The following RAC2 variants were observed in gnomAD, a reference collection of about 807,000 sequenced individuals.
The protein encoded by RAC2 is Rac family small GTPase 2.
Under a neutral mutation model 24.0 loss-of-function variants are expected in RAC2, and 1 was observed. The observed-to-expected ratio is 0.04, with a 90% CI of 0.01 to 0.20. The LOEUF is 0.20. Among genes scored for constraint, RAC2 ranks in the 10% least tolerant of loss-of-function variants. RAC2 has a pLI of 1.00. For missense variants in RAC2, 130 were observed against 259.1 expected (o/e 0.50, Z 3.42); for synonymous variants, 114 against 106.8 (o/e 1.07, Z -0.41).
In RAC2 at chr22:37,231,162, A is replaced by G; in HGVS notation, c.448+69T>C. The G allele has an allele frequency of 6.3e-7, 1 of 1,581,238 alleles. No homozygotes were observed. The highest frequency in any genetic ancestry group is 8.7e-7 in the Non-Finnish European group (1 of 1,153,016). On this transcript the variant is annotated intron_variant, in intron 5 of 6. Transcript: ENST00000249071. The surrounding 1 kb of genome is among the most constrained non-coding windows in gnomAD (Gnocchi z 5.5). ...CCTGGCCCTGCAGCCCGTGTTTACAATCACACCACGAGGCCAAGTCAGGGC... is the reference window on the plus strand; with the variant it reads ...CCTGGCCCTGCAGCCCGTGTTTACAGTCACACCACGAGGCCAAGTCAGGGC...
chr22:37,225,278 A>G lies in RAC2; in HGVS notation c.*764T>C, dbSNP rs1479481491. On this transcript the variant is annotated 3_prime_UTR_variant, in exon 7 of 7. Coordinates refer to ENST00000249071, the MANE Select transcript of RAC2 (RefSeq NM_002872.5). ...TCACGATATCTCCAAACTTGAATCA[A>G]TAAATTTATTTTCTGCTTAAGCAGG... 6.6e-6 allele frequency: 1 copy of G among 152,240 alleles called. No individual in the cohort carries two copies. The highest frequency in any genetic ancestry group is 1.5e-5 in the Non-Finnish European group (1 of 68,048). The allele number at this position is 152,240 out of a possible 1,614,324, so 9.4% of individuals were successfully genotyped here.
intron 5 of RAC2, among the ~76,000 whole-genome samples, chr22:37,229,528 TATCAGC>T (rs1451344015): frequency 1.3e-5 from 2 of 152,276 alleles, no homozygotes; most frequent in East Asian, 3.9e-4. Flanking sequence ...CAGCTGTGAT[TATCAGC>T]TGGGCTCAGG....
At position 37,231,885 on chromosome 22, in the gene RAC2, A is replaced by C. The variant is rs1313344399; in HGVS notation, c.288+47T>G. 1 of 1,541,702 alleles carries C rather than the reference A, an allele frequency of 6.5e-7. No individual in the cohort carries two copies. The highest frequency in any genetic ancestry group is 8.8e-7 in the Non-Finnish European group (1 of 1,138,592). On this transcript the variant is annotated intron_variant, in intron 4 of 6. Coordinates refer to ENST00000249071, the MANE Select transcript of RAC2 (RefSeq NM_002872.5). The surrounding 1 kb of genome is among the most constrained non-coding windows in gnomAD (Gnocchi z 5.5). Reference sequence around the variant, plus strand: ...TCACCAGTTCCTCCCTCTGTCCCTCAGGGTTACCTGCCCCAGAGCCCCCAA... The same window carrying C: ...TCACCAGTTCCTCCCTCTGTCCCTCCGGGTTACCTGCCCCAGAGCCCCCAA...
At position 37,231,458 on chromosome 22, in the gene RAC2, C is replaced by T; in HGVS notation, c.289-68G>A. 1.3e-6 allele frequency: 2 copies of T among 1,491,066 alleles called. No homozygotes were observed. Among genetic ancestry groups the T allele is most frequent in the South Asian group, 2.3e-5 (2 of 88,498 alleles). 92.4% of individuals were successfully genotyped at this position (1,491,066 alleles called of 1,614,324 possible). A position where few individuals can be genotyped will look rare whatever the true frequency, so the allele number is the denominator to read the frequency against. On this transcript the variant is annotated intron_variant, in intron 4 of 6. Transcript: ENST00000249071. This position sits in a 1 kb window ranked among gnomAD's most constrained non-coding sequence, Gnocchi z 5.5. ...AGGGGGCGCGAGGCTGTGCGGGGAT[C>T]AGAGGGAGTGTGAGGGTGTAGGGAG...
Position 37,244,095 on chromosome 22 carries a change from A to G in RAC2, c.35+19T>C, listed in dbSNP as rs1485254737. 1 of 1,613,950 alleles carries G rather than the reference A, an allele frequency of 6.2e-7. No homozygotes were observed. The highest frequency in any genetic ancestry group is 1.3e-5 in the African/African-American group (1 of 74,936). ...GCATCCCAGTTGGGGGCTGTGAGGA[A>G]GTCCAGCCAGGTACCTACCCATCTC... On this transcript the variant is annotated intron_variant, in intron 1 of 6. Transcript: ENST00000249071.
chr22:37,226,560 C>G (rs1279260941), intron 6 of RAC2, 111 bp downstream of exon 6: 5 of 1,423,290 alleles, frequency 3.5e-6, no homozygotes, highest in East Asian at 2.5e-5. Flanking sequence ...AACCTCCATA[C>G]CCACCTTCTT....
chr22:37,231,405 G>C lies in RAC2; in HGVS notation c.289-15C>G. 6.2e-7 allele frequency: 1 copy of C among 1,613,596 alleles called. No homozygotes were observed. The highest frequency in any genetic ancestry group is 1.3e-5 in the African/African-American group (1 of 75,008). On this transcript the variant is annotated splice_polypyrimidine_tract_variant and intron_variant, in intron 4 of 6. Coordinates refer to ENST00000249071, the MANE Select transcript of RAC2 (RefSeq NM_002872.5). The surrounding 1 kb of genome is among the most constrained non-coding windows in gnomAD (Gnocchi z 5.5). ...TCTGGGAACCACTGGGCAGGTGGGT[G>C]GGGGGACACAAGGTTGTATGGGTCA...
chr22:37,232,592 A>G, intron 3 of RAC2: 1 of 597,014 alleles, frequency 1.7e-6, no homozygotes, highest in South Asian at 1.9e-5. Flanking sequence ...GAAGATGGGC[A>G]CATTGAGGAC....
Position 37,231,092 on chromosome 22 carries a change from G to C in RAC2, c.448+139C>G. 9.6e-7 allele frequency: 1 copy of C among 1,047,084 alleles called. No homozygotes were observed. Among genetic ancestry groups the C allele is most frequent in the Non-Finnish European group, 1.4e-6 (1 of 691,428 alleles). 64.9% of individuals were successfully genotyped at this position (1,047,084 alleles called of 1,614,324 possible). On this transcript the variant is annotated intron_variant, in intron 5 of 6. Coordinates refer to ENST00000249071, the MANE Select transcript of RAC2 (RefSeq NM_002872.5). This position sits in a 1 kb window ranked among gnomAD's most constrained non-coding sequence, Gnocchi z 5.5. ...GAGAGAGGCTACGTGACTCGCCCAA[G>C]GTCACACAGCAAGTGCACAGCACAG...
Position 37,226,819 on chromosome 22 carries a change from G to A in RAC2, c.449-16C>T, listed in dbSNP as rs1471319187. The A allele has an allele frequency of 1.2e-6, 2 of 1,610,740 alleles. No individual in the cohort carries two copies. Among genetic ancestry groups the A allele is most frequent in the African/African-American group, 1.4e-5 (1 of 73,708 alleles). On this transcript the variant is annotated splice_polypyrimidine_tract_variant and intron_variant, in intron 5 of 6. Transcript: ENST00000249071. ...TTCACCGAGTCTGGTTGGGGAGATG[G>A]ACAGGAGAGCCAAGGCCTAAGTGGC...
rs73413218 is a variant in RAC2, at chr22:37,227,586, C to T, written c.449-783G>A. The stretch of plus-strand genomic sequence containing the variant: ...CCCATGCCTCCCACGCCATATACCC[C>T]TCCCACGCCTCCCACACCATACACC... On this transcript the variant is annotated intron_variant, in intron 5 of 6. Transcript: ENST00000249071. 2.7e-3 allele frequency among the ~76,000 whole-genome samples: 360 copies of T among 133,792 alleles called. 5 individuals are homozygous for T. The highest frequency in any genetic ancestry group is 0.01 in the African/African-American group (344 of 33,730). 87.8% of individuals were successfully genotyped at this position (133,792 alleles called of 152,430 possible). A position where few individuals can be genotyped will look rare whatever the true frequency, so the allele number is the denominator to read the frequency against.
At chr22:37,230,080 G>A (rs1476618803) in intron 5 of RAC2, among the ~76,000 whole-genome samples, 1 of 152,138 alleles carries the variant, frequency 6.6e-6, no homozygotes, top group Non-Finnish European at 1.5e-5. Flanking sequence ...GGAAAGACTT[G>A]CAGGCTGGGG....
rs1310790810 is a variant in RAC2, at chr22:37,231,974, G to A, written c.246C>T (p.Phe82=). 2 of 1,552,046 alleles carry A rather than the reference G, an allele frequency of 1.3e-6. No homozygotes were observed. The highest frequency in any genetic ancestry group is 2.4e-5 in the South Asian group (2 of 84,074). The change falls in exon 4 of 7, where the codon TTC becomes TTT. Residue 82 remains phenylalanine, a synonymous_variant. Transcript: ENST00000249071. This position sits in a 1 kb window ranked among gnomAD's most constrained non-coding sequence, Gnocchi z 5.5. ...CATAAGAGGCTGGGCTGACGAGGGA[G>A]AAGCAGATGAGGAAGACGTCCTGGG... is the stretch of plus-strand genomic sequence containing the variant. ...YPQTDVFLIC[F]SLVSPASYEN...
In RAC2 at chr22:37,232,613, T is replaced by C. The variant is rs577923492; in HGVS notation, c.225+188A>G. On this transcript the variant is annotated intron_variant, in intron 3 of 6. Transcript: ENST00000249071. ...GGGCACATTGAGGACCGGGAACCAA[T>C]GCAGGGCTGAGGGAGTGCAAGAGGA... is the stretch of plus-strand genomic sequence containing the variant. 4.1e-5 allele frequency: 26 copies of C among 629,340 alleles called. No homozygotes were observed. The South Asian group carries it at 4.4e-4, about 11-fold the overall frequency. The allele number at this position is 629,340 out of a possible 1,614,324, so 39.0% of individuals were successfully genotyped here.
chr22:37,238,398 G>A (rs771434075), intron 2 of RAC2, among the ~76,000 whole-genome samples: 5 of 151,888 alleles, frequency 3.3e-5, no homozygotes, highest in Non-Finnish European at 5.9e-5. Context: ...CACCATGCCC[G>A]GCTAATTTTT....
intron 2 of RAC2, among the ~76,000 whole-genome samples, chr22:37,234,564 C>G (rs1333840198): frequency 6.6e-6 from 1 of 152,166 alleles, no homozygotes; most frequent in Non-Finnish European, 1.5e-5. Flanking sequence ...CCACACAGGC[C>G]CTGACCTGGT....
chr22:37,231,485 G>A lies in RAC2; in HGVS notation c.289-95C>T. On this transcript the variant is annotated intron_variant, in intron 4 of 6. Coordinates refer to ENST00000249071, the MANE Select transcript of RAC2 (RefSeq NM_002872.5). This position sits in a 1 kb window ranked among gnomAD's most constrained non-coding sequence, Gnocchi z 5.5. ...GAGGGAGTGTGAGGGTGTAGGGAGA[G>A]GAGAGGCAGCAAGTTGCCAGAAGAT... 3 of 1,236,070 alleles carry A rather than the reference G, an allele frequency of 2.4e-6. No individual in the cohort carries two copies. The highest frequency in any genetic ancestry group is 3.5e-6 in the Non-Finnish European group (3 of 857,538). 76.6% of individuals were successfully genotyped at this position (1,236,070 alleles called of 1,614,324 possible).
At chr22:37,243,934 T>G (rs1310013742) in intron 1 of RAC2, among the ~76,000 whole-genome samples, 180 bp downstream of exon 1, 1 of 151,258 alleles carries the variant, frequency 6.6e-6, no homozygotes, top group Non-Finnish European at 1.5e-5. Flanking sequence ...AGGGTGAAGC[T>G]CCCCTCAGCC....
intron 5 of RAC2, among the ~76,000 whole-genome samples, chr22:37,228,060 GC>G (rs1238407797): frequency 6.6e-6 from 1 of 152,088 alleles, no homozygotes; most frequent in Non-Finnish European, 1.5e-5. Flanking sequence ...TCCCCAGGAG[GC>G]CTGAAGCCCT....
Sources: allele counts gnomAD v4.1 joint callset (sites outside exome capture counted in the v4.1 genomes callset), GRCh38; gene constraint gnomAD v4.1.1; non-coding constraint Gnocchi (gnomAD v3.1); transcripts MANE v1.5; gene names NCBI Gene and HGNC (gene_info 2026-07-23, HGNC 2026-07-21).